Variants in CHD1 observed in about 807,000 individuals in gnomAD.
The protein encoded by CHD1 is ATP-dependent chromatin remodeler CHD1.
In CHD1, 36 loss-of-function variants were observed where a neutral mutation model predicts 224.2. That is an observed-to-expected ratio of 0.16 (90% CI 0.12 to 0.21). The LOEUF is 0.21. Among genes scored for constraint, CHD1 ranks in the 10% least tolerant of loss-of-function variants. The pLI is 1.00. For synonymous variants in CHD1, 668 were observed against 658.3 expected (o/e 1.01, Z -0.23); for missense variants, 1,378 against 1,994.8 (o/e 0.69, Z 5.89).
intron 19 of CHD1, among the ~76,000 whole-genome samples, chr5:98,882,678 C>T (rs1021330111): frequency 1.2e-4 from 18 of 152,062 alleles, no homozygotes; most frequent in Admixed American, 6.6e-5. Flanking sequence ...TATGTTGTTA[C>T]AATTATAAAA....
intron 23 of CHD1, among the ~76,000 whole-genome samples, chr5:98,877,442 C>T (rs1018808044): frequency 6.6e-5 from 10 of 151,980 alleles, no homozygotes; most frequent in Non-Finnish European, 1.3e-4. Flanking sequence ...TCTTTTTTTC[C>T]GTTCTGCTTA....
rs751782050 is a variant in CHD1 at position 98,876,566 on chromosome 5, T to C, written c.3238-8A>G. On this transcript the variant is annotated splice_region_variant and splice_polypyrimidine_tract_variant and intron_variant, in intron 23 of 35. Coordinates refer to ENST00000614616, the MANE Select transcript of CHD1 (RefSeq NM_001270.4). ...ACTTCCATTGAAACTAATCTGGAAT[T>C]GGAAAATATTTACCCAACCTTAGTG... 1 of 1,612,002 alleles carries C rather than the reference T, an allele frequency of 6.2e-7. No homozygotes were observed. The highest frequency in any genetic ancestry group is 8.5e-7 in the Non-Finnish European group (1 of 1,178,520).
At chr5:98,905,369 G>T (rs1751981746) in intron 2 of CHD1, among the ~76,000 whole-genome samples, 13 of 152,130 alleles carry the variant, frequency 8.5e-5, no homozygotes, top group Admixed American at 8.5e-4. Flanking sequence ...CAATAAGATT[G>T]TAATCTTCTT....
rs1351445193 is a variant in CHD1 at position 98,885,573 on chromosome 5, C to G, written c.2568+5G>C. 1 of 1,557,760 alleles carries G rather than the reference C, an allele frequency of 6.4e-7. No homozygotes were observed. The highest frequency in any genetic ancestry group is 8.8e-7 in the Non-Finnish European group (1 of 1,134,884). ...ATTTATAATTTTAAAAGCACTAATA[C>G]ATACCTCTGATCCCTCAGCATTAAA... On this transcript the variant is annotated splice_donor_5th_base_variant and intron_variant, in intron 18 of 35. Transcript: ENST00000614616.
chr5:98,870,060 ATAT>A (rs914472232), intron 29 of CHD1, among the ~76,000 whole-genome samples, 178 bp from the exon 30 acceptor site: 2 of 152,172 alleles, frequency 1.3e-5, no homozygotes, highest in African/African-American at 4.8e-5. Context: ...GTCAAATATA[ATAT>A]TAATGTAAAT....
intron 33 of CHD1, 117 bp downstream of exon 33, chr5:98,859,855 T>C: frequency 1.8e-6 from 1 of 553,882 alleles, no homozygotes; most frequent in South Asian, 2.6e-5. Flanking sequence ...TGTTCAATGG[T>C]GATTTTTTAA....
chr5:98,879,514 C>T (rs1750012890), intron 23 of CHD1, 38 bp downstream of exon 23: 1 of 1,555,936 alleles, frequency 6.4e-7, no homozygotes, highest in African/African-American at 1.4e-5. Flanking sequence ...GTTGAATACT[C>T]TTACTTTATA....
chr5:98,920,030 G>A (rs780946462), intron 2 of CHD1, among the ~76,000 whole-genome samples: 1 of 152,010 alleles, frequency 6.6e-6, no homozygotes, highest in Non-Finnish European at 1.5e-5. Flanking sequence ...GCCAAGGCTA[G>A]ATCAATTTAA....
intron 2 of CHD1, among the ~76,000 whole-genome samples, chr5:98,917,954 T>C (rs1392202567): frequency 1.3e-5 from 2 of 152,198 alleles, no homozygotes; most frequent in African/African-American, 4.8e-5. Flanking sequence ...CTAAAACTAG[T>C]GGTTCCAACC....
rs376566244 is a variant in CHD1 at position 98,928,806 on chromosome 5, TCGC to T, written c.-419_-417del. On this transcript the variant is annotated 5_prime_UTR_variant, in exon 1 of 36. Transcript: ENST00000614616. ...AGCAAGAGCTATAAGTAACCAGTCG[TCGC>T]CGCCGCCGCCGCCGCCGTCGCGCGC... 3,927 of 159,208 alleles carry T rather than the reference TCGC, an allele frequency of 0.025. 136 individuals are homozygous for T. Among genetic ancestry groups the T allele is most frequent in the African/African-American group, 0.07 (2,905 of 41,270 alleles). The allele number at this position is 159,208 out of a possible 1,614,324, so 9.9% of individuals were successfully genotyped here.
intron 2 of CHD1, among the ~76,000 whole-genome samples, chr5:98,916,469 C>A (rs1287142640): frequency 4.4e-5 from 6 of 137,900 alleles, no homozygotes; most frequent in African/African-American, 1.6e-4. Flanking sequence ...CGCTTGAACC[C>A]GGGAGGCAGA....
chr5:98,899,698 A>T lies in CHD1; in HGVS notation c.867T>A (p.Gly289=), dbSNP rs1421218794. The change falls in exon 8 of 36, where the codon GGT becomes GGA. Residue 289 remains glycine (G), a synonymous_variant. Coordinates refer to ENST00000614616, the MANE Select transcript of CHD1 (RefSeq NM_001270.4). ...DCRIGRKGAT[G]ATTTIYAVEA... ...CAACTGCATAGATGGTTGTAGTAGC[A>T]CCAGTAGCTGAAAACAAAAGCACAA... 2 of 1,610,366 alleles carry T rather than the reference A, an allele frequency of 1.2e-6. No homozygotes were observed. The highest frequency in any genetic ancestry group is 2.7e-5 in the African/African-American group (2 of 74,768).
intron 19 of CHD1, 36 bp from the exon 20 acceptor site, chr5:98,882,159 T>C: frequency 1.3e-6 from 2 of 1,584,432 alleles, no homozygotes; most frequent in Non-Finnish European, 1.7e-6. Context: ...AATTGCAGTA[T>C]AAAGGATTTG....
intron 2 of CHD1, among the ~76,000 whole-genome samples, chr5:98,918,436 G>T (rs1752883825): frequency 6.6e-6 from 1 of 151,488 alleles, no homozygotes; most frequent in South Asian, 2.1e-4. Context: ...CTTATTAGGG[G>T]ACTTGCATAC....
chr5:98,864,537 A>G (rs1748716236), intron 31 of CHD1, among the ~76,000 whole-genome samples: 1 of 144,142 alleles, frequency 6.9e-6, no homozygotes, highest in African/African-American at 2.7e-5. Context: ...AAAAAAAAAA[A>G]AAAAAAAATT....
At position 98,872,199 on chromosome 5, in the gene CHD1, T is replaced by C. The variant is rs1167781887; in HGVS notation, c.3713A>G (p.Tyr1238Cys). The C allele has an allele frequency of 6.2e-7, 1 of 1,602,368 alleles. No individual in the cohort carries two copies. The change falls in exon 28 of 36, where the codon TAT becomes TGT. Residue 1238 changes from tyrosine (Y) to cysteine (C), a missense_variant and splice_region_variant. Coordinates refer to ENST00000614616, the MANE Select transcript of CHD1 (RefSeq NM_001270.4). ...IPSDPEERKQ[Y>C]TIPCHTKAAH... Reference sequence around the variant, plus strand: ...TGCCTTTGTGTGGCATGGGATAGTATACCTGGCATCAAAGTTAATAACTAA... The same window carrying C: ...TGCCTTTGTGTGGCATGGGATAGTACACCTGGCATCAAAGTTAATAACTAA...
At chr5:98,927,651 A>G (rs1193220028) in intron 1 of CHD1, among the ~76,000 whole-genome samples, 1 of 152,196 alleles carries the variant, frequency 6.6e-6, no homozygotes, top group Non-Finnish European at 1.5e-5. Flanking sequence ...AACCCTAGTC[A>G]AAGTGCCTTA....
chr5:98,892,354 T>C (rs1200273553), intron 15 of CHD1, among the ~76,000 whole-genome samples, 171 bp downstream of exon 15: 1 of 152,210 alleles, frequency 6.6e-6, no homozygotes, highest in African/African-American at 2.4e-5. Flanking sequence ...GGATATGTCA[T>C]TAAATCTCCT....
At chr5:98,913,364 C>A (rs549162923) in intron 2 of CHD1, among the ~76,000 whole-genome samples, 10 of 152,242 alleles carry the variant, frequency 6.6e-5, no homozygotes, top group South Asian at 6.2e-4. Flanking sequence ...GTCCTAGCTA[C>A]TCGGGAGGCT....
Sources: gnomAD v4.1 joint callset for allele counts (sites outside exome capture counted in the v4.1 genomes callset) on GRCh38, gnomAD v4.1.1 for gene constraint, MANE v1.5 for transcripts, NCBI Gene and HGNC (gene_info 2026-07-23, HGNC 2026-07-21) for gene names.